The following GRAMD4 variants were observed in gnomAD, a reference collection of about 807,000 sequenced individuals.
GRAMD4 encodes GRAM domain containing 4, also known as GRAM domain-containing protein 4.
A neutral mutation model predicts 83.9 loss-of-function variants in GRAMD4; 25 were observed. The observed-to-expected ratio is 0.30, with a 90% CI of 0.22 to 0.42. The LOEUF is 0.42. Ranked by LOEUF, GRAMD4 falls within the 10% of genes least tolerant of loss-of-function variation. The pLI, the probability that GRAMD4 is intolerant of heterozygous loss-of-function variation, is 1.00. For missense variants in GRAMD4, 593 were observed against 788.7 expected (o/e 0.75, Z 2.97); for synonymous variants, 336 against 320.9 (o/e 1.05, Z -0.50).
intron 1 of GRAMD4, among the ~76,000 whole-genome samples, chr22:46,607,633 A>G (rs1601549974): frequency 6.6e-6 from 1 of 152,106 alleles, no homozygotes; most frequent in African/African-American, 2.4e-5. Flanking sequence ...CGCTGCCCGC[A>G]CCAGTCCCAG....
In GRAMD4 at chr22:46,586,859, A is replaced by G. The variant is rs2081155738; in HGVS notation, c.-50+9569A>G. 2.0e-5 allele frequency among the ~76,000 whole-genome samples: 3 copies of G among 152,192 alleles called. No individual in the cohort carries two copies. In the South Asian group the frequency reaches 6.2e-4, roughly 31 times the overall value. ...GCTGAGGCCCTGCAGCTCTGAGGGCACTTGGGACCTGGATGGGCAGAGGTA... is the reference window on the plus strand; with the variant it reads ...GCTGAGGCCCTGCAGCTCTGAGGGCGCTTGGGACCTGGATGGGCAGAGGTA... On this transcript the variant is annotated intron_variant, in intron 1 of 1. Coordinates refer to the GRAMD4 transcript ENST00000431155.
chr22:46,597,979 C>CTTTTG (rs995849518), intron 1 of GRAMD4, among the ~76,000 whole-genome samples: 5 of 151,686 alleles, frequency 3.3e-5, no homozygotes, highest in African/African-American at 9.7e-5. Flanking sequence ...CATTGGCGGC[C>CTTTTG]TTTTGTTTTG....
intron 3 of GRAMD4, among the ~76,000 whole-genome samples, chr22:46,647,585 A>G (rs2082089376): frequency 6.6e-6 from 1 of 152,228 alleles, no homozygotes; most frequent in Non-Finnish European, 1.5e-5. Flanking sequence ...TGTGTTTTGC[A>G]ACGGCTGCAG....
chr22:46,589,053 G>C (rs996269051), intron 1 of GRAMD4, among the ~76,000 whole-genome samples: 1 of 152,100 alleles, frequency 6.6e-6, no homozygotes, highest in African/African-American at 2.4e-5. Context: ...CAGGTGCTTC[G>C]TCAGTACTGA....
chr22:46,600,612 C>T (rs959203964), intron 1 of GRAMD4, among the ~76,000 whole-genome samples: 10 of 152,206 alleles, frequency 6.6e-5, no homozygotes, highest in African/African-American at 1.9e-4. Context: ...GAGGAGACAG[C>T]GGAGCAAGGC....
chr22:46,660,338 CTGAAGGAGGAGGGG>C (rs1225554406), intron 4 of GRAMD4, among the ~76,000 whole-genome samples: 1 of 152,106 alleles, frequency 6.6e-6, no homozygotes, highest in African/African-American at 2.4e-5. Context: ...TTCTGGAAGC[CTGAAGGAGGAGGGG>C]TGAAGGAAGA....
intron 14 of GRAMD4, among the ~76,000 whole-genome samples, 168 bp from the exon 15 acceptor site, chr22:46,673,502 G>T (rs1003967785): frequency 6.6e-6 from 1 of 152,266 alleles, no homozygotes; most frequent in Non-Finnish European, 1.5e-5. Context: ...CCACTGAGGT[G>T]AGGTGGCCCT....
intron 2 of GRAMD4, among the ~76,000 whole-genome samples, chr22:46,635,943 G>T (rs542501131): frequency 4.6e-5 from 7 of 152,210 alleles, no homozygotes; most frequent in Non-Finnish European, 1.0e-4. Flanking sequence ...AGGCTTTGCA[G>T]TGTGCCTCCT....
chr22:46,579,662 C>A (rs2081078265), intron 1 of GRAMD4, among the ~76,000 whole-genome samples: 1 of 152,170 alleles, frequency 6.6e-6, no homozygotes. Context: ...GTGCCCCCTC[C>A]CCTCCCTGGG....
intron 5 of GRAMD4, among the ~76,000 whole-genome samples, chr22:46,661,858 G>T (rs2082332734): frequency 6.6e-6 from 1 of 152,214 alleles, no homozygotes; most frequent in Non-Finnish European, 1.5e-5. Context: ...TGTGAGTGGG[G>T]AGTTGGGGGT....
intron 1 of GRAMD4, among the ~76,000 whole-genome samples, chr22:46,625,828 G>A (rs1231535735): frequency 1.3e-5 from 2 of 152,242 alleles, no homozygotes; most frequent in African/African-American, 2.4e-5. Flanking sequence ...GTCGGGCAGC[G>A]ATGTGGGGAG....
At chr22:46,616,459 C>T (rs1278077241), upstream of GRAMD4, among the ~76,000 whole-genome samples, 20 of 104,988 alleles carry the variant, frequency 1.9e-4, no homozygotes, top group South Asian at 3.5e-4. Flanking sequence ...TAGGTTCCCC[C>T]GTGTGTAGGT....
intron 1 of GRAMD4, among the ~76,000 whole-genome samples, chr22:46,595,645 C>T (rs1602309762): frequency 6.6e-6 from 1 of 152,324 alleles, no homozygotes; most frequent in East Asian, 1.9e-4. Context: ...TGAGCGTCAC[C>T]CCTCCCACCC....
intron 1 of GRAMD4, among the ~76,000 whole-genome samples, chr22:46,591,149 C>T (rs2081203398): frequency 6.6e-6 from 1 of 152,224 alleles, no homozygotes; most frequent in Non-Finnish European, 1.5e-5. Context: ...AACTGCTGCC[C>T]TCTCAGCCGC....
At chr22:46,657,038 C>T (rs1421793173) in intron 3 of GRAMD4, among the ~76,000 whole-genome samples, 4 of 152,236 alleles carry the variant, frequency 2.6e-5, no homozygotes, top group African/African-American at 4.8e-5. Context: ...GCCACTGCTG[C>T]CCCGTAAACC....
At chr22:46,638,149 G>C (rs73469146) in intron 3 of GRAMD4, among the ~76,000 whole-genome samples, 189 bp downstream of exon 3, 1,654 of 152,318 alleles carry the variant, frequency 0.011, 26 homozygotes, top group African/African-American at 0.038. Flanking sequence ...CACAGCCTCT[G>C]TCTCTGTGTT....
rs1292639621 is a variant in GRAMD4 at position 46,669,021 on chromosome 22, TCCTC to T, written c.1084+114_1084+117del. On this transcript the variant is annotated intron_variant, in intron 13 of 18. Coordinates refer to ENST00000406902, the MANE Select transcript of GRAMD4 (RefSeq NM_015124.5). Reference sequence around the variant, plus strand: ...GCTGTTAAACTCACCTGGCGATCCTTCCTCTGCTTTTTGTCACAAATGTTTCAAT... The same window carrying T: ...GCTGTTAAACTCACCTGGCGATCCTTTGCTTTTTGTCACAAATGTTTCAAT... 1.9e-5 allele frequency: 12 copies of T among 648,370 alleles called. No homozygotes were observed. The Admixed American group carries it at 3.0e-4, about 16-fold the overall frequency. The allele number at this position is 648,370 out of a possible 1,614,324, so 40.2% of individuals were successfully genotyped here.
intron 3 of GRAMD4, among the ~76,000 whole-genome samples, chr22:46,650,453 G>A (rs1367479732): frequency 6.6e-6 from 1 of 152,076 alleles, no homozygotes. Flanking sequence ...CTGGGTGGAC[G>A]GCTGGGCCTC....
At chr22:46,587,060 A>C (rs113286441) in intron 1 of GRAMD4, among the ~76,000 whole-genome samples, 5 of 152,164 alleles carry the variant, frequency 3.3e-5, no homozygotes. Context: ...ACTTCCTCGC[A>C]TGCTTTCTCA....
Sources: gnomAD v4.1 joint callset for allele counts (sites outside exome capture counted in the v4.1 genomes callset) on GRCh38, gnomAD v4.1.1 for gene constraint, MANE v1.5 for transcripts, NCBI Gene and HGNC (gene_info 2026-07-23, HGNC 2026-07-21) for gene names.